Variants in TMEM229B observed in about 807,000 individuals in gnomAD.
The protein encoded by TMEM229B is transmembrane protein 229B.
A neutral mutation model predicts 13.7 loss-of-function variants in TMEM229B; 6 were observed. The observed-to-expected ratio is 0.44, with a 90% CI of 0.24 to 0.86. TMEM229B has a LOEUF of 0.86. Ranked by LOEUF, TMEM229B falls within the 40% of genes least tolerant of loss-of-function variation. The pLI, the probability that TMEM229B is intolerant of heterozygous loss-of-function variation, is 0.23. For synonymous variants in TMEM229B, 107 were observed against 102.1 expected (o/e 1.05, Z -0.29); for missense variants, 170 against 236.0 (o/e 0.72, Z 1.83).
intron 1 of TMEM229B, among the ~76,000 whole-genome samples, chr14:67,521,978 C>G (rs1031973449): frequency 1.3e-5 from 2 of 152,044 alleles, no homozygotes; most frequent in African/African-American, 4.8e-5. Flanking sequence ...AGTTCAATAT[C>G]AGCCTGACTA....
intron 2 of TMEM229B, among the ~76,000 whole-genome samples, chr14:67,477,949 C>A (rs1238909163): frequency 1.3e-5 from 2 of 152,136 alleles, no homozygotes; most frequent in Non-Finnish European, 2.9e-5. Context: ...GAGGGCCTTG[C>A]CTGCCTGGTT....
At chr14:67,532,131 C>T (rs1163891060) in intron 1 of TMEM229B, among the ~76,000 whole-genome samples, 3 of 152,122 alleles carry the variant, frequency 2.0e-5, no homozygotes, top group African/African-American at 2.4e-5. Context: ...TAAATTCTCA[C>T]GTTTGGCCTC....
upstream of TMEM229B, among the ~76,000 whole-genome samples, chr14:67,491,026 C>A (rs1047601070): frequency 6.6e-6 from 1 of 152,160 alleles, no homozygotes; most frequent in Non-Finnish European, 1.5e-5. Flanking sequence ...TCTGAGGGCT[C>A]AGTCCCACAA....
At chr14:67,480,186 T>G (rs764634411) in intron 2 of TMEM229B, among the ~76,000 whole-genome samples, 31 of 152,116 alleles carry the variant, frequency 2.0e-4, no homozygotes, top group Non-Finnish European at 3.8e-4. Flanking sequence ...CCCCTCCTGC[T>G]TTTACACCGC....
rs1217310903 is a variant in TMEM229B, at chr14:67,473,510, G to T, written c.414C>A (p.Asn138Lys). The T allele has an allele frequency of 6.2e-7, 1 of 1,614,196 alleles. No homozygotes were observed. Among genetic ancestry groups the T allele is most frequent in the Admixed American group, 1.7e-5 (1 of 60,032 alleles). ...ALIMEQFIIR[N>K]TLRLRFDKDA... is the part of the protein sequence containing the mutation. ...CCTTGTCGAAGCGGAGGCGGAGGGT[G>T]TTGCGGATGATGAACTGCTCCATGA... The change falls in exon 3 of 3, where the codon AAC becomes AAA. Residue 138 changes from asparagine (N) to lysine (K), a missense_variant. Around this residue, in one of 4 missense-constraint regions of TMEM229B, gnomAD observed 70 missense variants for 60.9 expected, o/e 1.15. Transcript: ENST00000554480. The surrounding 1 kb of genome is among the most constrained non-coding windows in gnomAD (Gnocchi z 6.5).
At chr14:67,501,044 T>TTAATAA (rs71129826) in intron 1 of TMEM229B, among the ~76,000 whole-genome samples, 13,788 of 137,166 alleles carry the variant, frequency 0.1, 767 homozygotes, top group Admixed American at 0.13. Context: ...TACTTGGGGG[T>TTAATAA]TAATAATAAT....
intron 1 of TMEM229B, among the ~76,000 whole-genome samples, chr14:67,494,807 C>G (rs1594699367): frequency 6.6e-6 from 1 of 152,252 alleles, no homozygotes. Flanking sequence ...ACAGAAGAAG[C>G]ACCAAATTTT....
chr14:67,486,071 A>C (rs1024694186), intron 2 of TMEM229B, among the ~76,000 whole-genome samples: 2 of 152,184 alleles, frequency 1.3e-5, no homozygotes, highest in African/African-American at 4.8e-5. Context: ...GCCAAAGTAG[A>C]TGCTGTTTCC....
intron 2 of TMEM229B, among the ~76,000 whole-genome samples, chr14:67,481,294 G>C (rs2031571441): frequency 6.6e-6 from 1 of 152,098 alleles, no homozygotes; most frequent in South Asian, 2.1e-4. Context: ...AAAAAAGAAA[G>C]AAAGAAAGAA....
Position 67,473,507 on chromosome 14 carries a change from G to A in TMEM229B, c.417C>T (p.Thr139=), listed in dbSNP as rs752016416. ...CGTCCTTGTCGAAGCGGAGGCGGAG[G>A]GTGTTGCGGATGATGAACTGCTCCA... ...LIMEQFIIRN[T]LRLRFDKDAE... The change falls in exon 3 of 3, where the codon ACC becomes ACT. Residue 139 remains threonine, a synonymous_variant. Transcript: ENST00000554480. The surrounding 1 kb of genome is among the most constrained non-coding windows in gnomAD (Gnocchi z 6.5). 20 of 1,614,046 alleles carry A rather than the reference G, an allele frequency of 1.2e-5. No individual in the cohort carries two copies. The highest frequency in any genetic ancestry group is 5.3e-5 in the African/African-American group (4 of 74,922).
upstream of TMEM229B, among the ~76,000 whole-genome samples, chr14:67,489,815 C>A (rs2032085459): frequency 6.6e-6 from 1 of 152,106 alleles, no homozygotes; most frequent in East Asian, 1.9e-4. Context: ...ATGGTGAAAC[C>A]CCATCTCTAC....
At chr14:67,514,271 G>A (rs1239906279) in intron 1 of TMEM229B, among the ~76,000 whole-genome samples, 1 of 152,150 alleles carries the variant, frequency 6.6e-6, no homozygotes, top group African/African-American at 2.4e-5. Context: ...GACAGTCCCC[G>A]GGAAGGAAGG....
chr14:67,494,150 T>G (rs1448689247), intron 1 of TMEM229B, among the ~76,000 whole-genome samples: 1 of 152,092 alleles, frequency 6.6e-6, no homozygotes. Flanking sequence ...AAGCACCCAG[T>G]CTTGCTAATG....
chr14:67,527,827 C>T (rs1213090122), intron 1 of TMEM229B, among the ~76,000 whole-genome samples: 1 of 152,210 alleles, frequency 6.6e-6, no homozygotes, highest in African/African-American at 2.4e-5. Context: ...AAAGTAGTGG[C>T]TGAGCAAGAA....
chr14:67,533,280 G>A (rs1179293159), intron 1 of TMEM229B: 1 of 151,998 alleles, frequency 6.6e-6, no homozygotes, highest in Admixed American at 6.6e-5. Flanking sequence ...CTGCCGGGGA[G>A]GGGAGAACCG....
intron 1 of TMEM229B, among the ~76,000 whole-genome samples, chr14:67,530,076 C>T (rs1296638810): frequency 6.6e-6 from 1 of 152,204 alleles, no homozygotes; most frequent in Non-Finnish European, 1.5e-5. Flanking sequence ...ATTTCACCAG[C>T]TCTCCTAGAG....
At chr14:67,508,760 A>AAAAAAAAAAAAAAAAAAAAAAAAAAC (rs778889276) in intron 1 of TMEM229B, among the ~76,000 whole-genome samples, 1 of 149,548 alleles carries the variant, frequency 6.7e-6, no homozygotes, top group Non-Finnish European at 1.5e-5. Flanking sequence ...TCTCAAAAAA[A>AAAAAAAAAAAAAAAAAAAAAAAAAAC]AAAAAAAAAA....
chr14:67,499,234 C>A (rs1009653312), intron 1 of TMEM229B, among the ~76,000 whole-genome samples: 2 of 151,998 alleles, frequency 1.3e-5, no homozygotes, highest in South Asian at 4.2e-4. Flanking sequence ...AAACTCCTGG[C>A]CTCAAGTGAT....
upstream of TMEM229B, among the ~76,000 whole-genome samples, chr14:67,490,775 T>C (rs76995898): frequency 0.021 from 3,192 of 152,246 alleles, 100 homozygotes; most frequent in African/African-American, 0.07. Flanking sequence ...TCTGTTTTTT[T>C]ACCCCCACTC....
Sources: gnomAD v4.1 joint callset for allele counts (sites outside exome capture counted in the v4.1 genomes callset) on GRCh38, gnomAD v4.1.1 for gene constraint, gnomAD v4.1.1 regional missense constraint, Gnocchi (gnomAD v3.1) non-coding constraint, MANE v1.5 for transcripts, NCBI Gene and HGNC (gene_info 2026-07-23, HGNC 2026-07-21) for gene names.